XKR6: variants seen among roughly 807,000 people sequenced by gnomAD.
The protein encoded by XKR6 is XK related 6.
XKR6 carries 22 observed loss-of-function variants against 56.7 expected under a neutral mutation model. That is an observed-to-expected ratio of 0.39 (90% CI 0.28 to 0.55). The LOEUF (loss-of-function observed/expected upper bound fraction) is 0.55. Among genes scored for constraint, XKR6 ranks in the 20% least tolerant of loss-of-function variants. The pLI, the probability that XKR6 is intolerant of heterozygous loss-of-function variation, is 0.66. For missense variants in XKR6, 852 were observed against 889.0 expected (o/e 0.96, Z 0.53); for synonymous variants, 524 against 387.8 (o/e 1.35, Z -4.13).
intron 1 of XKR6, among the ~76,000 whole-genome samples, chr8:11,148,774 C>A (rs1275885465): frequency 6.6e-6 from 1 of 152,124 alleles, no homozygotes; most frequent in African/African-American, 2.4e-5. Context: ...GCAGACAACA[C>A]AAGTATCCAT....
intron 1 of XKR6, among the ~76,000 whole-genome samples, chr8:11,009,652 T>A (rs1798456410): frequency 6.6e-6 from 1 of 152,116 alleles, no homozygotes; most frequent in African/African-American, 2.4e-5. Context: ...GTCAAGCTTA[T>A]CAAAAACAAG....
At chr8:11,198,878 C>G (rs551576800) in intron 1 of XKR6, among the ~76,000 whole-genome samples, 9 of 152,014 alleles carry the variant, frequency 5.9e-5, no homozygotes, top group Non-Finnish European at 1.2e-4. Flanking sequence ...TGCTTCATTC[C>G]TGGCATCTTA....
chr8:11,115,388 C>T (rs972022810), intron 1 of XKR6, among the ~76,000 whole-genome samples: 2 of 152,166 alleles, frequency 1.3e-5, no homozygotes, highest in African/African-American at 2.4e-5. Context: ...ATTCATTCAA[C>T]TGAAGCCATA....
At chr8:11,129,083 T>G (rs1167039694) in intron 1 of XKR6, 2 of 398,946 alleles carry the variant, frequency 5.0e-6, no homozygotes, top group African/African-American at 2.1e-5. Flanking sequence ...ATCCATGTAA[T>G]CAAGAGCCCA....
rs138255099 is a variant in XKR6 at position 11,150,343 on chromosome 8, C to T, written c.764+50233G>A. On this transcript the variant is annotated intron_variant, in intron 1 of 2. Transcript: ENST00000416569. ...ATGTAACAAAACACCACATGTACCC[C>T]ATGAATATGTAAAATATCATGTATC... is the stretch of plus-strand genomic sequence containing the variant. Among the ~76,000 whole-genome samples, 43 of 152,248 alleles carry T rather than the reference C, an allele frequency of 2.8e-4. 1 individual carries two copies. In the East Asian group the frequency reaches 7.5e-3, roughly 27 times the overall value.
chr8:10,910,889 C>A (rs1310880956), intron 2 of XKR6, among the ~76,000 whole-genome samples: 1 of 152,204 alleles, frequency 6.6e-6, no homozygotes, highest in African/African-American at 2.4e-5. Flanking sequence ...GTGCCTGGAT[C>A]CTGGCTGGCC....
chr8:11,036,662 G>T (rs760662275), intron 1 of XKR6, among the ~76,000 whole-genome samples: 3 of 152,358 alleles, frequency 2.0e-5, no homozygotes, highest in South Asian at 2.1e-4. Flanking sequence ...AGAGTTGGGG[G>T]TGAGTGTTCT....
intron 1 of XKR6, among the ~76,000 whole-genome samples, chr8:11,038,296 A>C (rs1799197109): frequency 6.6e-6 from 1 of 152,192 alleles, no homozygotes; most frequent in African/African-American, 2.4e-5. Flanking sequence ...TTAGAAAATT[A>C]CTAATTTAGG....
chr8:10,931,119 T>C (rs373630956), intron 1 of XKR6, among the ~76,000 whole-genome samples: 16 of 152,160 alleles, frequency 1.1e-4, no homozygotes, highest in African/African-American at 3.9e-4. Context: ...TAAAAGTCAA[T>C]TGCGTTTCTA....
intron 1 of XKR6, among the ~76,000 whole-genome samples, chr8:11,145,902 AG>A (rs1800957623): frequency 6.6e-6 from 1 of 152,218 alleles, no homozygotes; most frequent in African/African-American, 2.4e-5. Context: ...GATTTTGGAA[AG>A]GAAGAATAAC....
At chr8:11,133,542 C>T (rs1293988783) in intron 1 of XKR6, among the ~76,000 whole-genome samples, 4 of 152,126 alleles carry the variant, frequency 2.6e-5, no homozygotes, top group Non-Finnish European at 5.9e-5. Flanking sequence ...TCTCAGAGTA[C>T]ACACTCTCCG....
At chr8:10,958,201 G>A (rs917961572) in intron 1 of XKR6, among the ~76,000 whole-genome samples, 12 of 152,142 alleles carry the variant, frequency 7.9e-5, no homozygotes, top group Non-Finnish European at 1.5e-4. Flanking sequence ...CCTTCCATGA[G>A]ATGCAAGTTC....
chr8:11,154,148 G>A (rs925732438), intron 1 of XKR6, among the ~76,000 whole-genome samples: 1 of 152,146 alleles, frequency 6.6e-6, no homozygotes. Flanking sequence ...GGCCACACTG[G>A]ATCTTAGGGT....
chr8:11,111,975 T>C (rs545089655), intron 1 of XKR6: 2 of 152,366 alleles, frequency 1.3e-5, no homozygotes, highest in East Asian at 3.9e-4. Flanking sequence ...TTTATAATTT[T>C]CAAAACATTT....
At chr8:11,097,844 G>T (rs1399854476) in intron 1 of XKR6, among the ~76,000 whole-genome samples, 1 of 143,140 alleles carries the variant, frequency 7.0e-6, no homozygotes, top group Non-Finnish European at 1.5e-5. Flanking sequence ...CAAATGTAAA[G>T]TATTACTAAA....
At chr8:10,946,451 T>A (rs1586339035) in intron 1 of XKR6, among the ~76,000 whole-genome samples, 1 of 151,936 alleles carries the variant, frequency 6.6e-6, no homozygotes, top group African/African-American at 2.4e-5. Context: ...CACTCTAGTG[T>A]CCTTTTTCGG....
chr8:11,100,025 G>A (rs549993794), intron 1 of XKR6, among the ~76,000 whole-genome samples: 29 of 152,310 alleles, frequency 1.9e-4, no homozygotes, highest in African/African-American at 6.7e-4. Flanking sequence ...GGTGCAGCCA[G>A]TTTAAGTAGG....
intron 1 of XKR6, chr8:11,108,316 T>C (rs531560406): frequency 8.8e-6 from 4 of 456,264 alleles, no homozygotes; most frequent in Non-Finnish European, 1.8e-5. Flanking sequence ...TTAAGTGTTA[T>C]GAAACAACAG....
chr8:10,926,317 A>C (rs1800882586), intron 1 of XKR6, among the ~76,000 whole-genome samples: 1 of 152,134 alleles, frequency 6.6e-6, no homozygotes, highest in African/African-American at 2.4e-5. Flanking sequence ...CCCATTCTTC[A>C]CGCCGCTACT....
Sources: allele counts gnomAD v4.1 joint callset (sites outside exome capture counted in the v4.1 genomes callset), GRCh38; gene constraint gnomAD v4.1.1; transcripts MANE v1.5; gene names NCBI Gene and HGNC (gene_info 2026-07-23, HGNC 2026-07-21).